GNB1: variants seen among roughly 807,000 people sequenced by gnomAD.
The protein encoded by GNB1 is G protein subunit beta 1, also known as guanine nucleotide-binding protein G(I)/G(S)/G(T) subunit beta-1.
GNB1 carries 2 observed loss-of-function variants against 42.9 expected under a neutral mutation model. The ratio of observed to expected loss-of-function variants is 0.05; its 90% CI spans 0.02 to 0.15. The LOEUF is 0.15. Ranked by LOEUF, GNB1 falls within the 10% of genes least tolerant of loss-of-function variation. The pLI, the probability that GNB1 is intolerant of heterozygous loss-of-function variation, is 1.00. For synonymous variants in GNB1, 183 were observed against 174.7 expected (o/e 1.05, Z -0.38); for missense variants, 193 against 462.2 (o/e 0.42, Z 5.34).
Position 1,787,376 on chromosome 1 carries a change from A to C in GNB1, c.978T>G (p.Ala326=). The C allele has an allele frequency of 6.2e-7, 1 of 1,613,868 alleles. No homozygotes were observed. Among genetic ancestry groups the C allele is most frequent in the Non-Finnish European group, 8.5e-7 (1 of 1,179,780 alleles). The change falls in exon 11 of 12, where the codon GCT becomes GCG. Residue 326 remains alanine (A), a synonymous_variant. Coordinates refer to ENST00000378609, the MANE Select transcript of GNB1 (RefSeq NM_002074.5). The surrounding 1 kb of genome is among the most constrained non-coding windows in gnomAD (Gnocchi z 4.4). ...AGCTATCCCAGGACCCTGTCGCCAC[A>C]GCCATGCCATCGTCAGTCACGCCCA... ...SCLGVTDDGM[A]VATGSWDSFL...
chr1:1,851,776 G>C (rs997965571), intron 1 of GNB1, among the ~76,000 whole-genome samples: 1 of 152,142 alleles, frequency 6.6e-6, no homozygotes, highest in Non-Finnish European at 1.5e-5. Context: ...GGGCACAGCG[G>C]CTCACGCCTA....
chr1:1,833,100 C>T (rs1219681783), intron 2 of GNB1, among the ~76,000 whole-genome samples: 3 of 152,098 alleles, frequency 2.0e-5, no homozygotes, highest in South Asian at 2.1e-4. Flanking sequence ...ACCAGCTAGC[C>T]GCACACCCCT....
chr1:1,860,898 A>G (rs1648588112), intron 1 of GNB1, among the ~76,000 whole-genome samples: 1 of 151,992 alleles, frequency 6.6e-6, no homozygotes. Flanking sequence ...GCTTGAGGTC[A>G]GGAGTTCGAG....
chr1:1,847,712 C>G (rs1164626651), intron 1 of GNB1, among the ~76,000 whole-genome samples: 1 of 152,116 alleles, frequency 6.6e-6, no homozygotes, highest in African/African-American at 2.4e-5. Flanking sequence ...CGTCCAGATG[C>G]TGCGCCTGAC....
chr1:1,880,387 T>G (rs1297458005), intron 1 of GNB1, among the ~76,000 whole-genome samples: 1 of 150,790 alleles, frequency 6.6e-6, no homozygotes, highest in Non-Finnish European at 1.5e-5. Context: ...GATCACGAGG[T>G]CAGGAGATCG....
In GNB1 at chr1:1,815,963, C is replaced by G. The variant is rs2100861056; in HGVS notation, c.97-101G>C. 5 of 719,716 alleles carry G rather than the reference C, an allele frequency of 6.9e-6. No homozygotes were observed. The African/African-American group carries it at 8.6e-5, about 12-fold the overall frequency. The allele number at this position is 719,716 out of a possible 1,614,324, so 44.6% of individuals were successfully genotyped here. On this transcript the variant is annotated intron_variant, in intron 4 of 11. Coordinates refer to ENST00000378609, the MANE Select transcript of GNB1 (RefSeq NM_002074.5). ...CTGTTGGCTCGCCCACTGTGCCTAC[C>G]TCTTCCCAGCCCTTCCCACAGTTCT...
intron 3 of GNB1, among the ~76,000 whole-genome samples, chr1:1,824,782 C>T (rs1175205021): frequency 6.6e-6 from 1 of 151,976 alleles, no homozygotes. Context: ...CTATGTTGCC[C>T]TGGCTGGTCT....
chr1:1,876,851 C>T (rs1186644989), intron 1 of GNB1, among the ~76,000 whole-genome samples: 2 of 152,110 alleles, frequency 1.3e-5, no homozygotes, highest in Non-Finnish European at 2.9e-5. Context: ...GTAACTTGCT[C>T]CAGACCTCAA....
chr1:1,890,667 C>G (rs1320463219), intron 1 of GNB1, among the ~76,000 whole-genome samples, 153 bp downstream of exon 1: 2 of 147,924 alleles, frequency 1.4e-5, no homozygotes, highest in African/African-American at 4.9e-5. Flanking sequence ...CCCCAGCCCC[C>G]GGCCCCCCCT....
chr1:1,889,955 C>G (rs1650383124), intron 1 of GNB1, among the ~76,000 whole-genome samples: 2 of 151,922 alleles, frequency 1.3e-5, no homozygotes, highest in South Asian at 4.2e-4. Flanking sequence ...TTCCTGTCCT[C>G]TCCCCCACCT....
intron 5 of GNB1, among the ~76,000 whole-genome samples, chr1:1,813,848 C>T (rs370452121): frequency 1.3e-5 from 2 of 152,080 alleles, no homozygotes; most frequent in African/African-American, 2.4e-5. Flanking sequence ...TGTATATTTA[C>T]GGAGTACAAT....
At chr1:1,820,752 G>C (rs1646920961) in intron 3 of GNB1, among the ~76,000 whole-genome samples, 1 of 152,190 alleles carries the variant, frequency 6.6e-6, no homozygotes, top group Non-Finnish European at 1.5e-5. Context: ...TTAAGGTACA[G>C]TGTAACAGAC....
chr1:1,806,667 CTTAT>C (rs1489138054), intron 5 of GNB1, 129 bp from the exon 6 acceptor site: 4 of 553,636 alleles, frequency 7.2e-6, no homozygotes, highest in Admixed American at 6.6e-5. Flanking sequence ...GACAAAGCCA[CTTAT>C]TTATAAGAAA....
In GNB1 at chr1:1,808,164, C is replaced by A. The variant is rs150855684; in HGVS notation, c.204-1626G>T. Among the ~76,000 whole-genome samples, 634 of 152,134 alleles carry A rather than the reference C, an allele frequency of 4.2e-3. 2 individuals are homozygous for A. Among genetic ancestry groups the A allele is most frequent in the Non-Finnish European group, 6.2e-3 (421 of 68,012 alleles). ...GGATTACAGACACGCGCCACCACAG[C>A]CAGCTAATTTTGTATTTTTAGTAGA... On this transcript the variant is annotated intron_variant, in intron 5 of 11. Transcript: ENST00000378609.
At chr1:1,795,429 CAG>C (rs1159569090) in intron 7 of GNB1, among the ~76,000 whole-genome samples, 3 of 152,312 alleles carry the variant, frequency 2.0e-5, no homozygotes, top group African/African-American at 7.2e-5. Flanking sequence ...GCATCTCACA[CAG>C]GGGACCAGGC....
At chr1:1,795,153 G>A (rs1646529808) in intron 7 of GNB1, among the ~76,000 whole-genome samples, 1 of 151,894 alleles carries the variant, frequency 6.6e-6, no homozygotes, top group Non-Finnish European at 1.5e-5. Context: ...CCAGCTCAGA[G>A]GAGGATAGCC....
rs888380330 is a variant in GNB1, at chr1:1,890,920, G to A, written c.-196C>T. 6.8e-6 allele frequency: 1 copy of A among 147,088 alleles called. No individual in the cohort carries two copies. The highest frequency in any genetic ancestry group is 1.5e-5 in the Non-Finnish European group (1 of 65,826). 9.1% of individuals were successfully genotyped at this position (147,088 alleles called of 1,614,324 possible). On this transcript the variant is annotated 5_prime_UTR_variant, in exon 1 of 12. Coordinates refer to ENST00000378609, the MANE Select transcript of GNB1 (RefSeq NM_002074.5). ...CCGCGCTGCGCGCTCCGCGGGCGCT[G>A]CGGGCAGGTGCGCGCCGGCGAGGCT...
At chr1:1,884,743 C>T (rs1420822551) in intron 1 of GNB1, among the ~76,000 whole-genome samples, 3 of 151,420 alleles carry the variant, frequency 2.0e-5, no homozygotes, top group South Asian at 2.1e-4. Flanking sequence ...AGTGCAGTGG[C>T]GCGATCTCCA....
At chr1:1,843,114 T>C (rs1647405739) in intron 1 of GNB1, among the ~76,000 whole-genome samples, 1 of 152,176 alleles carries the variant, frequency 6.6e-6, no homozygotes, top group African/African-American at 2.4e-5. Context: ...GTCACAATTA[T>C]CTCAACCACT....
Sources: allele counts gnomAD v4.1 joint callset (sites outside exome capture counted in the v4.1 genomes callset), GRCh38; gene constraint gnomAD v4.1.1; non-coding constraint Gnocchi (gnomAD v3.1); transcripts MANE v1.5; gene names NCBI Gene and HGNC (gene_info 2026-07-23, HGNC 2026-07-21).